The following ZNF680 variants were observed in gnomAD, a reference collection of about 807,000 sequenced individuals.
ZNF680 encodes the protein zinc finger protein 680, also known as hypothetical protein FLJ90430.
In ZNF680, 6 loss-of-function variants were observed where a neutral mutation model predicts 12.1. The ratio of observed to expected loss-of-function variants is 0.49; its 90% confidence interval spans 0.27 to 0.98. The LOEUF (loss-of-function observed/expected upper bound fraction) is 0.98. ZNF680 is among the 50% of genes least tolerant of loss of function. The pLI is 0.12. For missense variants in ZNF680, 561 were observed against 616.3 expected (o/e 0.91, Z 0.95); for synonymous variants, 170 against 199.3 (o/e 0.85, Z 1.24).
rs1786056428 is a variant in ZNF680 at position 64,534,539 on chromosome 7, G to A, written c.253+9168C>T. ...GATGCTGGCACAGATGCGGTGATCAGGGAACACTTCTACACTGCTGGTGGG... is the reference window on the plus strand; with the variant it reads ...GATGCTGGCACAGATGCGGTGATCAAGGAACACTTCTACACTGCTGGTGGG... On this transcript the variant is annotated intron_variant, in intron 3 of 3. Transcript: ENST00000309683. 2.0e-5 allele frequency among the ~76,000 whole-genome samples: 3 copies of A among 152,132 alleles called. No homozygotes were observed. In the South Asian group the frequency reaches 6.2e-4, roughly 32 times the overall value.
At chr7:64,537,858 A>T (rs1450393686) in intron 3 of ZNF680, among the ~76,000 whole-genome samples, 5 of 152,108 alleles carry the variant, frequency 3.3e-5, no homozygotes, top group African/African-American at 1.2e-4. Context: ...TGAACCCGGG[A>T]GGCAGAGCTT....
At chr7:64,501,471 TA>T in the ZNF680 span, 1 of 879,754 alleles carries the variant, frequency 1.1e-6, no homozygotes, top group East Asian at 2.6e-5. Flanking sequence ...TGGAAAAATT[TA>T]AAAGGAACAG....
chr7:64,504,331 T>A, the ZNF680 span, among the ~76,000 whole-genome samples: 2 of 152,220 alleles, frequency 1.3e-5, no homozygotes, highest in Admixed American at 1.3e-4. Context: ...AGCACTTGTT[T>A]GGGTGGTATT....
rs567482108 is a variant in ZNF680, at chr7:64,523,367, C to T, written c.254-867G>A. 2.0e-3 allele frequency among the ~76,000 whole-genome samples: 298 copies of T among 150,888 alleles called. 1 individual carries two copies. Among genetic ancestry groups the T allele is most frequent in the Non-Finnish European group, 2.4e-4 (16 of 67,744 alleles). On this transcript the variant is annotated intron_variant, in intron 3 of 3. Transcript: ENST00000309683. ...GTTTTATGTAATCCCCAAGGTACCACAAAGAAAGTATTTTGTATATCTGTA... is the reference window on the plus strand; with the variant it reads ...GTTTTATGTAATCCCCAAGGTACCATAAAGAAAGTATTTTGTATATCTGTA...
chr7:64,543,854 C>T, intron 2 of ZNF680, 52 bp from the exon 3 acceptor site: 1 of 1,476,564 alleles, frequency 6.8e-7, no homozygotes, highest in Non-Finnish European at 9.5e-7. Flanking sequence ...CTCCAATTAC[C>T]AAACTACTAA....
At chr7:64,527,160 C>T (rs765998434) in intron 3 of ZNF680, among the ~76,000 whole-genome samples, 1 of 152,152 alleles carries the variant, frequency 6.6e-6, no homozygotes, top group Admixed American at 6.5e-5. Context: ...ATCACTTGAA[C>T]CCAGGAGGCG....
the ZNF680 span, among the ~76,000 whole-genome samples, chr7:64,508,123 G>GTGTATATATATATATATATATATATA: frequency 6.8e-5 from 8 of 117,666 alleles, no homozygotes; most frequent in African/African-American, 3.4e-4. Context: ...ATTTTAAAAT[G>GTGTATATATATATATATATATATATA]TATATATATA....
chr7:64,562,250 AT>A (rs1021435034), intron 1 of ZNF680, among the ~76,000 whole-genome samples: 4 of 149,660 alleles, frequency 2.7e-5, no homozygotes, highest in African/African-American at 7.3e-5. Flanking sequence ...AAAAAAAAAA[AT>A]CTAACTCAAA....
At chr7:64,555,769 G>A (rs959877211) in intron 1 of ZNF680, among the ~76,000 whole-genome samples, 3 of 149,554 alleles carry the variant, frequency 2.0e-5, no homozygotes, top group Non-Finnish European at 4.4e-5. Flanking sequence ...TAAACCACTA[G>A]CTACAATAAT....
At chr7:64,516,937 T>C (rs1390261840), downstream of ZNF680, among the ~76,000 whole-genome samples, 1 of 152,020 alleles carries the variant, frequency 6.6e-6, no homozygotes, top group Admixed American at 6.6e-5. Context: ...TGACAAAACC[T>C]ATCAAAACCT....
chr7:64,500,808 G>T, the ZNF680 span: 1 of 364,738 alleles, frequency 2.7e-6, no homozygotes, highest in Non-Finnish European at 5.6e-6. Flanking sequence ...GGCTTTGTGG[G>T]AACCTTATCA....
the ZNF680 span, among the ~76,000 whole-genome samples, chr7:64,513,981 G>C: frequency 6.6e-6 from 1 of 151,934 alleles, no homozygotes; most frequent in Non-Finnish European, 1.5e-5. Flanking sequence ...GCTAGTAAAA[G>C]GTTTTGCTTT....
chr7:64,501,130 A>T, the ZNF680 span: 1 of 956,632 alleles, frequency 1.0e-6, no homozygotes, highest in Admixed American at 1.8e-5. Context: ...ATCTGCAGCG[A>T]TGTATGGGTC....
chr7:64,537,429 A>C (rs1272867624), intron 3 of ZNF680, among the ~76,000 whole-genome samples: 1 of 152,226 alleles, frequency 6.6e-6, no homozygotes. Flanking sequence ...TAAAGTGGTA[A>C]AAAAATTCAA....
intron 1 of ZNF680, among the ~76,000 whole-genome samples, chr7:64,562,488 A>C (rs1787799538): frequency 6.6e-6 from 1 of 152,202 alleles, no homozygotes; most frequent in African/African-American, 2.4e-5. Context: ...ACAAATTACA[A>C]ATCATAGCTG....
intron 3 of ZNF680, chr7:64,525,013 T>C (rs1791759620): frequency 6.6e-6 from 1 of 152,120 alleles, no homozygotes; most frequent in Non-Finnish European, 1.5e-5. Flanking sequence ...TGTTCAAATT[T>C]CTCATGCATT....
At chr7:64,514,025 A>G in the ZNF680 span, among the ~76,000 whole-genome samples, 3 of 152,164 alleles carry the variant, frequency 2.0e-5, no homozygotes, top group Non-Finnish European at 1.5e-5. Flanking sequence ...AGCAAAACAA[A>G]TAACTTACGG....
At chr7:64,557,215 C>T (rs1246631010) in intron 1 of ZNF680, among the ~76,000 whole-genome samples, 1 of 150,988 alleles carries the variant, frequency 6.6e-6, no homozygotes, top group Non-Finnish European at 1.5e-5. Flanking sequence ...CGCGCCACTG[C>T]ACTCCAGACT....
At chr7:64,501,527 A>T in the ZNF680 span, 1 of 769,062 alleles carries the variant, frequency 1.3e-6, no homozygotes, top group Non-Finnish European at 2.3e-6. Flanking sequence ...GAGAAGAGGA[A>T]CAGAGCAGGA....
Sources: allele counts gnomAD v4.1 joint callset (sites outside exome capture counted in the v4.1 genomes callset), GRCh38; gene constraint gnomAD v4.1.1; transcripts MANE v1.5; gene names NCBI Gene and HGNC (gene_info 2026-07-23, HGNC 2026-07-21).